The following CCDC178 variants were observed in gnomAD, a reference collection of about 807,000 sequenced individuals.
CCDC178 encodes coiled-coil domain containing 178, also known as coiled-coil domain-containing protein 178.
A neutral mutation model predicts 117.4 loss-of-function variants in CCDC178; 126 were observed. The observed-to-expected ratio is 1.07, with a 90% CI of 0.93 to 1.24. The LOEUF (loss-of-function observed/expected upper bound fraction) is 1.24. CCDC178 is among the 50% of genes most tolerant of loss of function. CCDC178 has a pLI of 0.00. For missense variants in CCDC178, 1,030 were observed against 986.9 expected, an observed-to-expected ratio of 1.04 and a Z score of -0.59; for synonymous variants, 283 against 313.4, an observed-to-expected ratio of 0.90 and a Z score of 1.02.
intron 5 of CCDC178, among the ~76,000 whole-genome samples, chr18:33,375,641 G>A (rs1481585950): frequency 3.3e-5 from 5 of 152,162 alleles, no homozygotes; most frequent in Admixed American, 6.6e-5. Context: ...GAAGAAAAGG[G>A]ACACATTTGT....
chr18:33,290,517 T>C (rs2060153376), intron 12 of CCDC178, among the ~76,000 whole-genome samples: 1 of 152,070 alleles, frequency 6.6e-6, no homozygotes, highest in African/African-American at 2.4e-5. Flanking sequence ...GTCCCTATCA[T>C]ACAGATTTGA....
At chr18:33,147,356 ATTTTTTTTTT>A (rs575608507) in intron 20 of CCDC178, among the ~76,000 whole-genome samples, 1 of 94,642 alleles carries the variant, frequency 1.1e-5, no homozygotes, top group African/African-American at 4.7e-5. Context: ...TGCCTTTTTA[ATTTTTTTTTT>A]TTTTTTTTTT....
At chr18:33,253,781 G>C (rs2059644424) in intron 14 of CCDC178, among the ~76,000 whole-genome samples, 1 of 151,824 alleles carries the variant, frequency 6.6e-6, no homozygotes, top group South Asian at 2.1e-4. Flanking sequence ...CATAAATGTT[G>C]GAGTTAAGTA....
intron 21 of CCDC178, among the ~76,000 whole-genome samples, chr18:33,022,500 T>C (rs1220258761): frequency 6.6e-6 from 1 of 152,062 alleles, no homozygotes; most frequent in Non-Finnish European, 1.5e-5. Flanking sequence ...GGAGGTAAGG[T>C]TTCTAACAGA....
At chr18:33,342,175 A>G (rs1367656182) in intron 9 of CCDC178, among the ~76,000 whole-genome samples, 2 of 152,216 alleles carry the variant, frequency 1.3e-5, no homozygotes, top group African/African-American at 4.8e-5. Flanking sequence ...TTGAAACCAT[A>G]GAATATCAGG....
chr18:33,263,782 T>A (rs1298526585), intron 14 of CCDC178, among the ~76,000 whole-genome samples: 1 of 152,174 alleles, frequency 6.6e-6, no homozygotes, highest in East Asian at 1.9e-4. Flanking sequence ...CTAGAGCATA[T>A]CCAAGGACAC....
chr18:33,056,533 G>A (rs1341497426), intron 21 of CCDC178, among the ~76,000 whole-genome samples: 1 of 152,156 alleles, frequency 6.6e-6, no homozygotes, highest in Non-Finnish European at 1.5e-5. Context: ...GGGAAGTCTG[G>A]AAGATGGGGA....
chr18:33,080,334 T>A (rs1488237140), intron 21 of CCDC178, among the ~76,000 whole-genome samples: 1 of 152,116 alleles, frequency 6.6e-6, no homozygotes, highest in Non-Finnish European at 1.5e-5. Flanking sequence ...AGTACCGGTG[T>A]GACAAAATAA....
Position 33,397,228 on chromosome 18 carries a change from A to AG in CCDC178, c.59-21_59-20insC, listed in dbSNP as rs779415422. 1 of 1,531,692 alleles carries AG rather than the reference A, an allele frequency of 6.5e-7. No individual in the cohort carries two copies. Among genetic ancestry groups the AG allele is most frequent in the African/African-American group, 1.4e-5 (1 of 72,782 alleles). 94.9% of individuals were successfully genotyped at this position (1,531,692 alleles called of 1,614,324 possible). On this transcript the variant is annotated intron_variant, in intron 3 of 22. Transcript: ENST00000383096. Reference sequence around the variant, plus strand: ...TTAAACCTATAAAAGGTAAAATAAAACAAAATAAAATATCTGCTTCCTGAG... The same window carrying AG: ...TTAAACCTATAAAAGGTAAAATAAAAGCAAAATAAAATATCTGCTTCCTGAG...
At chr18:33,009,511 C>T (rs183308689) in intron 21 of CCDC178, among the ~76,000 whole-genome samples, 9 of 152,126 alleles carry the variant, frequency 5.9e-5, no homozygotes, top group South Asian at 2.1e-4. Context: ...ATATCTTTCC[C>T]GCAAATATCC....
chr18:33,303,478 TA>T (rs2062206715), intron 11 of CCDC178, among the ~76,000 whole-genome samples: 2 of 152,188 alleles, frequency 1.3e-5, no homozygotes, highest in South Asian at 4.1e-4. Context: ...AGCTCTATTG[TA>T]AACTATGATC....
intron 21 of CCDC178, among the ~76,000 whole-genome samples, chr18:33,074,808 A>G (rs886077786): frequency 2.6e-5 from 4 of 152,256 alleles, no homozygotes; most frequent in African/African-American, 9.6e-5. Context: ...GAGAATGGAA[A>G]GTGATGAAAA....
At chr18:33,106,351 A>G (rs2057704499) in intron 20 of CCDC178, among the ~76,000 whole-genome samples, 1 of 151,770 alleles carries the variant, frequency 6.6e-6, no homozygotes, top group Non-Finnish European at 1.5e-5. Context: ...CTGGAATTAA[A>G]TGCTACATCC....
chr18:33,091,082 T>TCC (rs368925608), intron 21 of CCDC178, among the ~76,000 whole-genome samples: 2 of 151,694 alleles, frequency 1.3e-5, no homozygotes, highest in South Asian at 4.2e-4. Flanking sequence ...TTATTTTTGC[T>TCC]CCCCCCCGAT....
intron 15 of CCDC178, among the ~76,000 whole-genome samples, chr18:33,229,724 C>T (rs1352132874): frequency 6.6e-6 from 1 of 152,098 alleles, no homozygotes; most frequent in Non-Finnish European, 1.5e-5. Context: ...TGCCCCTTTT[C>T]TTGTAGGGCC....
chr18:33,122,208 G>A (rs2057946082), intron 20 of CCDC178, among the ~76,000 whole-genome samples: 6 of 152,102 alleles, frequency 3.9e-5, no homozygotes. Flanking sequence ...GGCTAAGAAT[G>A]CTTGCATTAT....
chr18:33,119,713 C>T, intron 20 of CCDC178, among the ~76,000 whole-genome samples: 1 of 152,144 alleles, frequency 6.6e-6, no homozygotes, highest in Non-Finnish European at 1.5e-5. Context: ...ATCAATCATG[C>T]TGCTATAAAG....
chr18:33,188,849 T>C (rs1312080599), intron 20 of CCDC178, among the ~76,000 whole-genome samples: 6 of 152,186 alleles, frequency 3.9e-5, no homozygotes. Context: ...TGGAAATATG[T>C]TATGGCAGCA....
chr18:33,119,238 A>G (rs1188897158), intron 20 of CCDC178, among the ~76,000 whole-genome samples: 2 of 152,214 alleles, frequency 1.3e-5, no homozygotes, highest in Non-Finnish European at 2.9e-5. Context: ...AACTACCATC[A>G]GAGTGAACAG....
Sources: gnomAD v4.1 joint callset for allele counts (sites outside exome capture counted in the v4.1 genomes callset) on GRCh38, gnomAD v4.1.1 for gene constraint, MANE v1.5 for transcripts, NCBI Gene and HGNC (gene_info 2026-07-23, HGNC 2026-07-21) for gene names.